The following RSL24D1 variants were observed in gnomAD, a reference collection of about 807,000 sequenced individuals.
The protein encoded by RSL24D1 is probable ribosome biogenesis protein RLP24.
RSL24D1 carries 6 observed loss-of-function variants against 26.2 expected under a neutral mutation model. That is an observed-to-expected ratio of 0.23 (90% CI 0.13 to 0.45). The LOEUF is 0.45. Among genes scored for constraint, RSL24D1 ranks in the 20% least tolerant of loss-of-function variants. RSL24D1 has a pLI of 0.99. For synonymous variants in RSL24D1, 61 were observed against 59.1 expected (o/e 1.03, Z -0.15); for missense variants, 176 against 202.6 (o/e 0.87, Z 0.80).
intron 2 of RSL24D1, 53 bp from the exon 3 acceptor site, chr15:55,191,100 G>A: frequency 7.9e-7 from 1 of 1,273,602 alleles, no homozygotes; most frequent in Admixed American, 2.3e-5. Context: ...AGGTAGAAAG[G>A]AAACATTTCT....
chr15:55,192,689 A>G (rs757360650), intron 2 of RSL24D1, 31 bp downstream of exon 2: 18 of 1,496,472 alleles, frequency 1.2e-5, no homozygotes, highest in Middle Eastern at 1.7e-4. Flanking sequence ...TGAAACGTGT[A>G]AAAACTATAT....
chr15:55,188,575 G>C (rs968444103), intron 3 of RSL24D1, among the ~76,000 whole-genome samples: 1 of 152,198 alleles, frequency 6.6e-6, no homozygotes, highest in African/African-American at 2.4e-5. Flanking sequence ...GTATGCCACA[G>C]GCAGTGCTTA....
At position 55,190,249 on chromosome 15, in the gene RSL24D1, C is replaced by CAAAAAA. The variant is rs57254193; in HGVS notation, c.268+720_268+725dup. ...TGGGACAGAGCAAGACTTTCCAACTCAAAAAAAAAAAAAAAAAAAAAAAAG... is the reference window on the plus strand; with the variant it reads ...TGGGACAGAGCAAGACTTTCCAACTCAAAAAAAAAAAAAAAAAAAAAAAAAAAAAAG... On this transcript the variant is annotated intron_variant, in intron 3 of 5. Coordinates refer to ENST00000260443, the MANE Select transcript of RSL24D1 (RefSeq NM_016304.3). 4.4e-3 allele frequency among the ~76,000 whole-genome samples: 152 copies of CAAAAAA among 34,256 alleles called. 5 individuals carry two copies. The highest frequency in any genetic ancestry group is 5.4e-3 in the East Asian group (6 of 1,112). The allele number at this position is 34,256 out of a possible 152,430, so 22.5% of individuals were successfully genotyped here.
intron 3 of RSL24D1, 44 bp from the exon 4 acceptor site, chr15:55,185,469 C>T (rs776098154): frequency 7.2e-6 from 10 of 1,391,760 alleles, no homozygotes; most frequent in South Asian, 6.2e-5. Context: ...CACATTCAAG[C>T]GGTATGATCA....
At chr15:55,195,052 A>C (rs915412273) in intron 1 of RSL24D1, among the ~76,000 whole-genome samples, 1 of 150,288 alleles carries the variant, frequency 6.7e-6, no homozygotes, top group Non-Finnish European at 1.5e-5. Flanking sequence ...AAAAGGCTAG[A>C]TAAGAGGCTA....
chr15:55,194,933 G>C (rs973503975), intron 1 of RSL24D1, among the ~76,000 whole-genome samples: 14 of 150,576 alleles, frequency 9.3e-5, no homozygotes, highest in Admixed American at 6.0e-4. Context: ...TGAGGAGGGA[G>C]GACTGCTTAA....
intron 1 of RSL24D1, among the ~76,000 whole-genome samples, chr15:55,194,803 T>TACACAC (rs143219738): frequency 4.7e-4 from 69 of 147,104 alleles, no homozygotes; most frequent in East Asian, 3.0e-3. Context: ...CCTCTGTCTC[T>TACACAC]ACACACACAC....
At chr15:55,189,594 G>T (rs547203946) in intron 3 of RSL24D1, among the ~76,000 whole-genome samples, 1 of 152,184 alleles carries the variant, frequency 6.6e-6, no homozygotes, top group East Asian at 1.9e-4. Flanking sequence ...AACATAAAGA[G>T]ATTTTTTTTG....
rs182684050 is a variant in RSL24D1 at position 55,189,168 on chromosome 15, G to T, written c.268+1807C>A. On this transcript the variant is annotated intron_variant, in intron 3 of 5. Coordinates refer to ENST00000260443, the MANE Select transcript of RSL24D1 (RefSeq NM_016304.3). ...AGATCCCACCACTACACTCCAGCCC[G>T]GGTGACAGAGCAAGACTCCCATCTC... 3.3e-3 allele frequency among the ~76,000 whole-genome samples: 493 copies of T among 149,582 alleles called. 3 individuals carry two copies. Among genetic ancestry groups the T allele is most frequent in the East Asian group, 5.6e-3 (29 of 5,144 alleles).
At chr15:55,182,577 C>T in intron 5 of RSL24D1, among the ~76,000 whole-genome samples, 1 of 152,184 alleles carries the variant, frequency 6.6e-6, no homozygotes, top group Middle Eastern at 3.2e-3. Flanking sequence ...CTGCTCTTAA[C>T]ACTGTTCTAT....
intron 3 of RSL24D1, among the ~76,000 whole-genome samples, chr15:55,186,448 C>G (rs1011161531): frequency 6.6e-6 from 1 of 152,138 alleles, no homozygotes; most frequent in African/African-American, 2.4e-5. Flanking sequence ...CAGCTTGTGT[C>G]TCCTGACAAA....
chr15:55,187,416 T>G (rs1894235692), intron 3 of RSL24D1, among the ~76,000 whole-genome samples: 1 of 152,198 alleles, frequency 6.6e-6, no homozygotes, highest in Non-Finnish European at 1.5e-5. Context: ...TTTCCAAATA[T>G]TCCAGAATAC....
At position 55,190,249 on chromosome 15, in the gene RSL24D1, CAAAAAAAAAAA is replaced by C. The variant is rs57254193; in HGVS notation, c.268+715_268+725del. Among the ~76,000 whole-genome samples the C allele has an allele frequency of 9.0e-3, 312 of 34,526 alleles. 4 individuals are homozygous for C. The highest frequency in any genetic ancestry group is 0.033 in the African/African-American group (293 of 8,912). 22.7% of individuals were successfully genotyped at this position (34,526 alleles called of 152,430 possible). A position where few individuals can be genotyped will look rare whatever the true frequency, so the allele number is the denominator to read the frequency against. On this transcript the variant is annotated intron_variant, in intron 3 of 5. Transcript: ENST00000260443. ...TGGGACAGAGCAAGACTTTCCAACT[CAAAAAAAAAAA>C]AAAAAAAAAAAAAGGCAAGGCCAAG...
intron 3 of RSL24D1, among the ~76,000 whole-genome samples, chr15:55,187,777 T>C (rs777986115): frequency 4.6e-5 from 7 of 151,950 alleles, no homozygotes; most frequent in Non-Finnish European, 1.0e-4. Flanking sequence ...GTAAAAACTA[T>C]AGATTGGGTA....
At chr15:55,186,133 T>C (rs1268492646) in intron 3 of RSL24D1, among the ~76,000 whole-genome samples, 1 of 152,200 alleles carries the variant, frequency 6.6e-6, no homozygotes, top group Non-Finnish European at 1.5e-5. Flanking sequence ...ATAAAATTAC[T>C]AGTGAAACAT....
chr15:55,183,343 G>A lies in RSL24D1; in HGVS notation c.390C>T (p.Asn130=). 6.2e-7 allele frequency: 1 copy of A among 1,611,732 alleles called. No homozygotes were observed. Among genetic ancestry groups the A allele is most frequent in the South Asian group, 1.1e-5 (1 of 90,984 alleles). The change falls in exon 5 of 6, where the codon AAC becomes AAT. Residue 130 remains asparagine, a synonymous_variant. Transcript: ENST00000260443. The part of the protein sequence containing the change: ...KVQDIKEVKQ[N]IHLIRAPLAG... ...CAAGAGGGGCTCGGATAAGATGGAT[G>A]TTTTGCTTGACTTCTTTGATATCCT...
At chr15:55,184,092 C>G (rs1248399463) in intron 4 of RSL24D1, among the ~76,000 whole-genome samples, 1 of 152,108 alleles carries the variant, frequency 6.6e-6, no homozygotes, top group African/African-American at 2.4e-5. Flanking sequence ...TTGTGAAATG[C>G]TTTAAAATTT....
intron 3 of RSL24D1, 64 bp from the exon 4 acceptor site, chr15:55,185,489 T>C (rs1595651284): frequency 9.3e-7 from 1 of 1,074,740 alleles, no homozygotes; most frequent in East Asian, 2.4e-5. Flanking sequence ...AACAACTGCA[T>C]TAACAAACAC....
rs1289200297 is a variant in RSL24D1 at position 55,186,431 on chromosome 15, TA to T, written c.269-1007del. Among the ~76,000 whole-genome samples, 3 of 152,314 alleles carry T rather than the reference TA, an allele frequency of 2.0e-5. No individual in the cohort carries two copies. In the East Asian group the frequency reaches 5.8e-4, roughly 29 times the overall value. On this transcript the variant is annotated intron_variant, in intron 3 of 5. Transcript: ENST00000260443. ...AAGTTAACACTGCTAGTAATGGAAC[TA>T]ATGGACAGCTTGTGTCTCCTGACAA...
Sources: gnomAD v4.1 joint callset for allele counts (sites outside exome capture counted in the v4.1 genomes callset) on GRCh38, gnomAD v4.1.1 for gene constraint, MANE v1.5 for transcripts, NCBI Gene and HGNC (gene_info 2026-07-23, HGNC 2026-07-21) for gene names.